The following ESYT2 variants were observed in gnomAD, a reference collection of about 807,000 sequenced individuals.
ESYT2 encodes the protein extended synaptotagmin 2, also known as extended synaptotagmin-2.
Under a neutral mutation model 107.2 loss-of-function variants are expected in ESYT2, and 54 were observed. The ratio of observed to expected loss-of-function variants is 0.50; its 90% CI spans 0.40 to 0.63. ESYT2 has a LOEUF of 0.63. Ranked by LOEUF, ESYT2 falls within the 30% of genes least tolerant of loss-of-function variation. The pLI, the probability that ESYT2 is intolerant of heterozygous loss-of-function variation, is 0.00. For synonymous variants in ESYT2, 491 were observed against 434.1 expected, an observed-to-expected ratio of 1.13 and a Z score of -1.63; for missense variants, 1,020 against 1,094.5, an observed-to-expected ratio of 0.93 and a Z score of 0.96.
At chr7:158,782,803 C>A (rs932221709) in intron 6 of ESYT2, among the ~76,000 whole-genome samples, 1 of 151,854 alleles carries the variant, frequency 6.6e-6, no homozygotes, top group Non-Finnish European at 1.5e-5. Flanking sequence ...AGAATGAAAC[C>A]GTGTGAGAAC....
intron 18 of ESYT2, 51 bp downstream of exon 18, chr7:158,741,472 T>TGG (rs66689505): frequency 1.5e-4 from 227 of 1,508,710 alleles, no homozygotes; most frequent in East Asian, 3.0e-4. Context: ...CAGCGTGGGG[T>TGG]GGGGGGCGCT....
chr7:158,808,789 C>T (rs938485288), intron 1 of ESYT2, among the ~76,000 whole-genome samples: 3 of 140,372 alleles, frequency 2.1e-5, no homozygotes, highest in East Asian at 2.1e-4. Flanking sequence ...GGCCAACATG[C>T]GAAATCCCAT....
chr7:158,823,594 G>C (rs1296178872), intron 1 of ESYT2, among the ~76,000 whole-genome samples: 1 of 152,082 alleles, frequency 6.6e-6, no homozygotes, highest in Non-Finnish European at 1.5e-5. Context: ...CCAAAGAGCA[G>C]AGATTACAGG....
chr7:158,769,606 A>G (rs1838283883), intron 7 of ESYT2, among the ~76,000 whole-genome samples: 1 of 152,224 alleles, frequency 6.6e-6, no homozygotes, highest in Non-Finnish European at 1.5e-5. Flanking sequence ...TGTTTCCACC[A>G]TAATCTTCAC....
chr7:158,770,587 T>A (rs1010301458), intron 7 of ESYT2, among the ~76,000 whole-genome samples: 1 of 151,934 alleles, frequency 6.6e-6, no homozygotes, highest in African/African-American at 2.4e-5. Context: ...CGATCTTTGC[T>A]CAGTGCAAGC....
intron 13 of ESYT2, among the ~76,000 whole-genome samples, chr7:158,755,747 A>C (rs1260687908): frequency 6.6e-6 from 1 of 152,176 alleles, no homozygotes; most frequent in Non-Finnish European, 1.5e-5. Flanking sequence ...GACTCTGAAC[A>C]GCTCACCTAA....
chr7:158,773,034 A>G (rs1446979048), intron 7 of ESYT2, among the ~76,000 whole-genome samples: 1 of 152,214 alleles, frequency 6.6e-6, no homozygotes, highest in Non-Finnish European at 1.5e-5. Flanking sequence ...AAAATATTAA[A>G]AGACCTCTAC....
In ESYT2 at chr7:158,797,473, G is replaced by A. The variant is rs111387287; in HGVS notation, c.507+469C>T. Among the ~76,000 whole-genome samples, 26 of 152,190 alleles carry A rather than the reference G, an allele frequency of 1.7e-4. 3 individuals carry two copies. The highest frequency in any genetic ancestry group is 6.3e-4 in the African/African-American group (26 of 41,530). On this transcript the variant is annotated intron_variant, in intron 3 of 22. Transcript: ENST00000275418. Reference sequence around the variant, plus strand: ...CATATACCCAGCTAGCTGGGAGGCTGAGGCAGGAAGATCACTTGAGCCTAG... The same window carrying A: ...CATATACCCAGCTAGCTGGGAGGCTAAGGCAGGAAGATCACTTGAGCCTAG...
At chr7:158,762,081 C>A (rs115158146) in intron 10 of ESYT2, among the ~76,000 whole-genome samples, 1,776 of 152,138 alleles carry the variant, frequency 0.012, 33 homozygotes, top group African/African-American at 0.041. Flanking sequence ...CGCCCTCACT[C>A]GGTGCATCTG....
chr7:158,817,732 AAATT>A (rs767372325), intron 1 of ESYT2, among the ~76,000 whole-genome samples: 9 of 152,292 alleles, frequency 5.9e-5, no homozygotes, highest in Non-Finnish European at 1.3e-4. Flanking sequence ...ATAAAATACT[AAATT>A]AATTGAGACT....
At chr7:158,759,783 C>G (rs1368252207) in intron 12 of ESYT2, among the ~76,000 whole-genome samples, 1 of 152,124 alleles carries the variant, frequency 6.6e-6, no homozygotes, top group Non-Finnish European at 1.5e-5. Flanking sequence ...TTAAATGAAG[C>G]ACTCAGGTGA....
Position 158,764,817 on chromosome 7 carries a change from G to C in ESYT2, c.961C>G (p.Leu321Val). The C allele has an allele frequency of 6.2e-7, 1 of 1,614,164 alleles. No homozygotes were observed. Among genetic ancestry groups the C allele is most frequent in the Non-Finnish European group, 8.5e-7 (1 of 1,180,024 alleles). ...TTAAGGTAAGTGTCTTTCCCCTGAA[G>C]ATCCTGAGCTTCAATAAAATGTATC... ...LRIHFIEAQDLQGKDTYLKGL... is the reference protein window; with the variant it reads ...LRIHFIEAQDVQGKDTYLKGL... The change falls in exon 9 of 23, where the codon CTT becomes GTT. Residue 321 changes from leucine to valine, a missense_variant. By Grantham distance (32) the Leu-to-Val change is conservative (BLOSUM62 1). Transcript: ENST00000275418.
At chr7:158,769,083 A>G (rs1189041069) in intron 7 of ESYT2, among the ~76,000 whole-genome samples, 1 of 147,940 alleles carries the variant, frequency 6.8e-6, no homozygotes, top group East Asian at 2.0e-4. Context: ...TTACAAATAA[A>G]TTCTGAGACC....
At chr7:158,826,724 G>A (rs918186186) in intron 1 of ESYT2, among the ~76,000 whole-genome samples, 1 of 149,932 alleles carries the variant, frequency 6.7e-6, no homozygotes, top group Non-Finnish European at 1.5e-5. Flanking sequence ...GGGAGGCTGA[G>A]GCAGGAGAAT....
chr7:158,769,922 T>C (rs1313150454), intron 7 of ESYT2, among the ~76,000 whole-genome samples: 1 of 152,058 alleles, frequency 6.6e-6, no homozygotes, highest in Non-Finnish European at 1.5e-5. Context: ...TATTTATTTT[T>C]TTAATTAATT....
chr7:158,738,030 G>A (rs773042011), intron 19 of ESYT2, among the ~76,000 whole-genome samples: 16 of 152,062 alleles, frequency 1.1e-4, no homozygotes, highest in Non-Finnish European at 1.9e-4. Flanking sequence ...GCTTTGGGAG[G>A]CCAGGAATTA....
intron 6 of ESYT2, among the ~76,000 whole-genome samples, chr7:158,778,654 C>T (rs1165957242): frequency 6.6e-6 from 1 of 152,106 alleles, no homozygotes. Flanking sequence ...AACTGCAACC[C>T]AGAATGATGG....
At chr7:158,815,388 C>A (rs987958109) in intron 1 of ESYT2, among the ~76,000 whole-genome samples, 5 of 152,282 alleles carry the variant, frequency 3.3e-5, no homozygotes, top group Admixed American at 2.0e-4. Context: ...CATTTCTACA[C>A]CCTGGGGTGG....
At chr7:158,737,410 A>C (rs1478974752) in intron 19 of ESYT2, among the ~76,000 whole-genome samples, 1 of 152,098 alleles carries the variant, frequency 6.6e-6, no homozygotes, top group Non-Finnish European at 1.5e-5. Flanking sequence ...TTCATTTCTC[A>C]AGCCCAGAGT....
Sources: gnomAD v4.1 joint callset for allele counts (sites outside exome capture counted in the v4.1 genomes callset) on GRCh38, gnomAD v4.1.1 for gene constraint, MANE v1.5 for transcripts, NCBI Gene and HGNC (gene_info 2026-07-23, HGNC 2026-07-21) for gene names.